MIR2052HG: variants seen among roughly 807,000 people sequenced by gnomAD.
MIR2052HG encodes MIR2052 host gene.
At chr8:74,714,716 TTG>T (rs1325386006) in intron 4 of MIR2052HG, among the ~76,000 whole-genome samples, 57 of 148,118 alleles carry the variant, frequency 3.8e-4, no homozygotes, top group African/African-American at 1.3e-3. Flanking sequence ...TTTTTTTTTT[TTG>T]TTTTTTTGAG....
At chr8:74,719,771 A>AG (rs1404385014) in intron 4 of MIR2052HG, among the ~76,000 whole-genome samples, 1 of 151,296 alleles carries the variant, frequency 6.6e-6, no homozygotes, top group Admixed American at 6.6e-5. Context: ...GAGGTGCTTG[A>AG]GAAAAACTTC....
chr8:74,712,994 G>A (rs1187523722), intron 4 of MIR2052HG, among the ~76,000 whole-genome samples: 1 of 152,178 alleles, frequency 6.6e-6, no homozygotes, highest in Non-Finnish European at 1.5e-5. Context: ...CAAGAGGATA[G>A]AGTGTAGTAT....
chr8:74,678,929 A>T (rs1002557157), intron 2 of MIR2052HG, among the ~76,000 whole-genome samples: 8 of 152,180 alleles, frequency 5.3e-5, no homozygotes, highest in Non-Finnish European at 1.0e-4. Flanking sequence ...TATAAATTTC[A>T]TTCACCATGA....
intron 2 of MIR2052HG, among the ~76,000 whole-genome samples, chr8:74,624,546 C>A (rs1808409553): frequency 6.6e-6 from 1 of 152,190 alleles, no homozygotes; most frequent in Non-Finnish European, 1.5e-5. Flanking sequence ...TATCTCCTAC[C>A]TGACATTCTG....
chr8:74,649,513 A>G (rs189728404), intron 2 of MIR2052HG, among the ~76,000 whole-genome samples: 12 of 152,030 alleles, frequency 7.9e-5, no homozygotes, highest in African/African-American at 2.9e-4. Context: ...ATATGAATAT[A>G]TTTACATATA....
chr8:74,671,313 A>C (rs562783250), intron 2 of MIR2052HG, among the ~76,000 whole-genome samples: 21 of 152,262 alleles, frequency 1.4e-4, no homozygotes, highest in Middle Eastern at 3.4e-3. Context: ...AATTTTTGCT[A>C]TCACTTAAAG....
At position 74,680,051 on chromosome 8, in the gene MIR2052HG, C is replaced by G. The variant is rs139385348; in HGVS notation, n.217-22328C>G. Among the ~76,000 whole-genome samples, 1,472 of 152,086 alleles carry G rather than the reference C, an allele frequency of 9.7e-3. 22 individuals carry two copies. Among genetic ancestry groups the G allele is most frequent in the African/African-American group, 0.032 (1,342 of 41,458 alleles). ...TCATATTATTGTCAACTTGGAAAAC[C>G]CAAATGAATCTGCAGACAACCTATA... On this transcript the variant is annotated intron_variant and non_coding_transcript_variant, in intron 2 of 6. Coordinates refer to ENST00000523442, the Ensembl canonical transcript of MIR2052HG.
At chr8:74,660,086 G>C (rs1808845378) in intron 2 of MIR2052HG, among the ~76,000 whole-genome samples, 1 of 152,186 alleles carries the variant, frequency 6.6e-6, no homozygotes, top group South Asian at 2.1e-4. Flanking sequence ...GCACAACAGA[G>C]CATCATGGCA....
At chr8:74,752,344 A>G in intron 4 of MIR2052HG, 1 of 354,238 alleles carries the variant, frequency 2.8e-6, no homozygotes, top group Non-Finnish European at 5.5e-6. Flanking sequence ...ACTAATTTCA[A>G]AGGCATAGGT....
At chr8:74,626,163 G>A (rs1289393394) in intron 2 of MIR2052HG, among the ~76,000 whole-genome samples, 2 of 152,152 alleles carry the variant, frequency 1.3e-5, no homozygotes, top group Non-Finnish European at 2.9e-5. Context: ...CTCACTCAGA[G>A]CAGAGCAGCA....
intron 2 of MIR2052HG, among the ~76,000 whole-genome samples, chr8:74,623,098 G>A (rs1482684357): frequency 6.6e-6 from 1 of 152,154 alleles, no homozygotes; most frequent in Non-Finnish European, 1.5e-5. Context: ...ATATTTAACA[G>A]CAACCTAGTG....
At chr8:74,656,135 A>G (rs889664770) in intron 2 of MIR2052HG, among the ~76,000 whole-genome samples, 2 of 152,158 alleles carry the variant, frequency 1.3e-5, no homozygotes, top group Non-Finnish European at 2.9e-5. Flanking sequence ...TCTAGGAAGT[A>G]ACTAGCTTGC....
At chr8:74,693,322 CT>C (rs1809258617) in intron 2 of MIR2052HG, among the ~76,000 whole-genome samples, 1 of 152,108 alleles carries the variant, frequency 6.6e-6, no homozygotes, top group South Asian at 2.1e-4. Flanking sequence ...CACAGGGGTC[CT>C]TGGAGAGAGC....
intron 4 of MIR2052HG, among the ~76,000 whole-genome samples, chr8:74,718,464 GTT>G (rs1254647576): frequency 6.6e-6 from 1 of 152,028 alleles, no homozygotes; most frequent in African/African-American, 2.4e-5. Context: ...TCACCACTTT[GTT>G]TTTGTCCAGC....
chr8:74,635,163 A>G (rs566928616), intron 2 of MIR2052HG, among the ~76,000 whole-genome samples: 7 of 152,274 alleles, frequency 4.6e-5, no homozygotes, highest in Non-Finnish European at 7.4e-5. Flanking sequence ...CAGTTCCACA[A>G]TTGTAGAATT....
chr8:74,699,304 C>T (rs1039355269), intron 2 of MIR2052HG, among the ~76,000 whole-genome samples: 1 of 151,976 alleles, frequency 6.6e-6, no homozygotes, highest in South Asian at 2.1e-4. Flanking sequence ...AAGATACTTG[C>T]ACACGCATGT....
intron 2 of MIR2052HG, among the ~76,000 whole-genome samples, chr8:74,622,340 A>C (rs1808373675): frequency 6.6e-6 from 1 of 152,236 alleles, no homozygotes; most frequent in Non-Finnish European, 1.5e-5. Flanking sequence ...GTGGTGGCTC[A>C]TGCCTGTAAT....
chr8:74,656,677 T>C (rs1034400517), intron 2 of MIR2052HG, among the ~76,000 whole-genome samples: 2 of 152,092 alleles, frequency 1.3e-5, no homozygotes, highest in African/African-American at 4.8e-5. Context: ...CACAGGGCCA[T>C]GTGATAGAGT....
intron 2 of MIR2052HG, among the ~76,000 whole-genome samples, chr8:74,613,842 T>A (rs1300926235): frequency 6.6e-6 from 1 of 152,180 alleles, no homozygotes; most frequent in Non-Finnish European, 1.5e-5. Flanking sequence ...GTTTTGAGGT[T>A]TTTTTTAAAT....
Sources: gnomAD v4.1 joint callset for allele counts (sites outside exome capture counted in the v4.1 genomes callset) on GRCh38, gnomAD v4.1.1 for gene constraint, MANE v1.5 for transcripts, NCBI Gene and HGNC (gene_info 2026-07-23, HGNC 2026-07-21) for gene names.